BUB1B: variants seen among roughly 807,000 people sequenced by gnomAD.
BUB1B encodes BUB1 mitotic checkpoint serine/threonine kinase B, also known as mitotic checkpoint serine/threonine-protein kinase BUB1 beta.
A neutral mutation model predicts 137.7 loss-of-function variants in BUB1B; 86 were observed. That is an observed-to-expected ratio of 0.62 (90% confidence interval 0.52 to 0.75). BUB1B has a LOEUF of 0.75. Ranked by LOEUF, BUB1B falls within the 30% of genes least tolerant of loss-of-function variation. BUB1B has a pLI of 0.00. For missense variants in BUB1B, 1,130 were observed against 1,236.9 expected (o/e 0.91, Z 1.30); for synonymous variants, 420 against 417.9 (o/e 1.00, Z -0.06).
At chr15:40,173,979 G>A (rs573737913) in intron 4 of BUB1B, 4 of 432,398 alleles carry the variant, frequency 9.3e-6, no homozygotes, top group East Asian at 7.4e-5. Flanking sequence ...TTATTTAAAG[G>A]TATAAAATTA....
In BUB1B at chr15:40,161,085, C is replaced by G; in HGVS notation, c.-136C>G. 2 of 1,193,356 alleles carry G rather than the reference C, an allele frequency of 1.7e-6. No individual in the cohort carries two copies. The highest frequency in any genetic ancestry group is 1.2e-6 in the Non-Finnish European group (1 of 853,040). The allele number at this position is 1,193,356 out of a possible 1,614,324, so 73.9% of individuals were successfully genotyped here. Reference sequence around the variant, plus strand: ...GCTAGGGGTGTGGGCTTGAGGTGGCCGGTTTGTTAGGGAGTCGTGTACGTG... The same window carrying G: ...GCTAGGGGTGTGGGCTTGAGGTGGCGGGTTTGTTAGGGAGTCGTGTACGTG... On this transcript the variant is annotated 5_prime_UTR_variant, in exon 1 of 23. Transcript: ENST00000287598.
intron 8 of BUB1B, among the ~76,000 whole-genome samples, chr15:40,188,505 A>G (rs1247482348): frequency 6.6e-6 from 1 of 150,932 alleles, no homozygotes. Flanking sequence ...TTTTCCCCCT[A>G]CTTTGTCCTT....
At chr15:40,219,398 C>T (rs183137442) in intron 22 of BUB1B, among the ~76,000 whole-genome samples, 22 of 152,152 alleles carry the variant, frequency 1.4e-4, no homozygotes, top group African/African-American at 5.1e-4. Flanking sequence ...GGTCTCAGAA[C>T]CTTAGTACTC....
intron 8 of BUB1B, among the ~76,000 whole-genome samples, chr15:40,195,355 T>C (rs2037485614): frequency 6.6e-6 from 1 of 152,248 alleles, no homozygotes; most frequent in African/African-American, 2.4e-5. Context: ...GGTAGATATA[T>C]ACCACATTTT....
intron 5 of BUB1B, among the ~76,000 whole-genome samples, chr15:40,179,967 CATAT>C (rs34339420): frequency 6.3e-4 from 90 of 143,428 alleles, no homozygotes; most frequent in Middle Eastern, 3.5e-3. Context: ...TTTCAAAAGC[CATAT>C]ATATATATAT....
chr15:40,176,925 C>A (rs1012901129), intron 5 of BUB1B, among the ~76,000 whole-genome samples: 1 of 152,028 alleles, frequency 6.6e-6, no homozygotes, highest in Non-Finnish European at 1.5e-5. Flanking sequence ...TTTCACACCC[C>A]CCAAAAGAAT....
chr15:40,199,793 A>G (rs1324307181), intron 10 of BUB1B, 66 bp downstream of exon 10: 3 of 1,287,772 alleles, frequency 2.3e-6, no homozygotes, highest in African/African-American at 1.5e-5. Flanking sequence ...TTATAAAAAT[A>G]TAGAAGGTTA....
intron 9 of BUB1B, among the ~76,000 whole-genome samples, chr15:40,197,963 T>G (rs2037518196): frequency 6.6e-6 from 1 of 152,104 alleles, no homozygotes. Context: ...TAAAAACTGT[T>G]TCCTAAGGGA....
At chr15:40,205,051 A>C (rs1460026033) in intron 14 of BUB1B, among the ~76,000 whole-genome samples, 2 of 149,802 alleles carry the variant, frequency 1.3e-5, no homozygotes, top group African/African-American at 4.9e-5. Flanking sequence ...GGTTCAAGCA[A>C]TTCTCCTGCC....
At chr15:40,174,333 G>T (rs1025442420) in intron 4 of BUB1B, among the ~76,000 whole-genome samples, 1 of 152,132 alleles carries the variant, frequency 6.6e-6, no homozygotes, top group African/African-American at 2.4e-5. Context: ...TCCATTTACT[G>T]AATTACTGCA....
At chr15:40,217,798 C>G in intron 21 of BUB1B, 131 bp downstream of exon 21, 2 of 1,092,170 alleles carry the variant, frequency 1.8e-6, no homozygotes, top group African/African-American at 1.6e-5. Context: ...CAAATATCAC[C>G]AAGTCAAGTA....
At chr15:40,175,938 T>G (rs1001501796) in intron 4 of BUB1B, among the ~76,000 whole-genome samples, 30 of 152,218 alleles carry the variant, frequency 2.0e-4, no homozygotes, top group Admixed American at 1.8e-3. Flanking sequence ...TGTTAACCCC[T>G]TCCTCCCCCC....
intron 5 of BUB1B, among the ~76,000 whole-genome samples, chr15:40,179,891 G>C (rs2037263519): frequency 6.6e-6 from 1 of 150,658 alleles, no homozygotes; most frequent in South Asian, 2.1e-4. Context: ...TACCCTTTTG[G>C]TATACTTGTC....
At chr15:40,189,245 C>T (rs2037407837) in intron 8 of BUB1B, among the ~76,000 whole-genome samples, 1 of 152,090 alleles carries the variant, frequency 6.6e-6, no homozygotes, top group African/African-American at 2.4e-5. Context: ...CTGCAACCTT[C>T]GCCTCTCCAG....
chr15:40,188,423 G>A (rs936492099), intron 8 of BUB1B, among the ~76,000 whole-genome samples: 6 of 152,028 alleles, frequency 3.9e-5, no homozygotes, highest in Non-Finnish European at 7.4e-5. Context: ...GTTGCGTTTT[G>A]CTTAGTGATG....
intron 8 of BUB1B, among the ~76,000 whole-genome samples, chr15:40,187,422 G>A (rs1023677820): frequency 6.6e-6 from 1 of 151,754 alleles, no homozygotes; most frequent in African/African-American, 2.4e-5. Context: ...CACCGCACCC[G>A]GTCAACAATT....
chr15:40,210,650 TA>T (rs1160018032), intron 18 of BUB1B, among the ~76,000 whole-genome samples: 1 of 152,032 alleles, frequency 6.6e-6, no homozygotes, highest in Non-Finnish European at 1.5e-5. Flanking sequence ...GCTGGGACCG[TA>T]GGTGCACGCC....
At chr15:40,187,356 G>C (rs2140892563) in intron 8 of BUB1B, among the ~76,000 whole-genome samples, 1 of 152,080 alleles carries the variant, frequency 6.6e-6, no homozygotes, top group South Asian at 2.1e-4. Flanking sequence ...TCGATCTCCT[G>C]ACCTCATGAT....
chr15:40,186,347 G>GT (rs1428958698), intron 8 of BUB1B, among the ~76,000 whole-genome samples: 1 of 144,640 alleles, frequency 6.9e-6, no homozygotes, highest in Non-Finnish European at 1.5e-5. Context: ...TAGCATTTCT[G>GT]TTTTTAAGAA....
Sources: gnomAD v4.1 joint callset for allele counts (sites outside exome capture counted in the v4.1 genomes callset) on GRCh38, gnomAD v4.1.1 for gene constraint, MANE v1.5 for transcripts, NCBI Gene and HGNC (gene_info 2026-07-23, HGNC 2026-07-21) for gene names.